Variants in TMEM245 observed in about 807,000 individuals in gnomAD.
TMEM245 encodes transmembrane protein 245.
TMEM245 carries 69 observed loss-of-function variants against 101.2 expected under a neutral mutation model. That is an observed-to-expected ratio of 0.68 (90% CI 0.56 to 0.83). TMEM245 has a LOEUF of 0.83. TMEM245 is among the 40% of genes least tolerant of loss of function. The pLI, the probability that TMEM245 is intolerant of heterozygous loss-of-function variation, is 0.00. For synonymous variants in TMEM245, 537 were observed against 449.8 expected, an observed-to-expected ratio of 1.19 and a Z score of -2.45; for missense variants, 1,075 against 1,092.8, an observed-to-expected ratio of 0.98 and a Z score of 0.23.
chr9:109,064,388 C>T, intron 10 of TMEM245, 89 bp downstream of exon 10: 1 of 1,160,954 alleles, frequency 8.6e-7, no homozygotes. Context: ...CTGTGAATAG[C>T]ATTTCTACTT....
At chr9:109,112,586 G>C (rs1251654209) in intron 1 of TMEM245, among the ~76,000 whole-genome samples, 2 of 150,964 alleles carry the variant, frequency 1.3e-5, no homozygotes, top group African/African-American at 4.9e-5. Context: ...TGCTAATAAG[G>C]AAAGATGGCC....
intron 5 of TMEM245, among the ~76,000 whole-genome samples, chr9:109,089,081 GC>G (rs1829924942): frequency 6.6e-6 from 1 of 151,966 alleles, no homozygotes; most frequent in Non-Finnish European, 1.5e-5. Flanking sequence ...TTTGAGACCA[GC>G]CTGGGCAACA....
At chr9:109,064,667 G>T in intron 9 of TMEM245, 100 bp from the exon 10 acceptor site, 1 of 943,460 alleles carries the variant, frequency 1.1e-6, no homozygotes, top group Non-Finnish European at 1.6e-6. Context: ...CAGACAGACT[G>T]TTGATCATTC....
At chr9:109,097,458 G>A (rs943086052) in intron 3 of TMEM245, among the ~76,000 whole-genome samples, 1 of 152,146 alleles carries the variant, frequency 6.6e-6, no homozygotes, top group Non-Finnish European at 1.5e-5. Context: ...GTGGCTGGAA[G>A]CACAGGTGAG....
rs145479681 is a variant in TMEM245, at chr9:109,058,569, A to T, written c.1723-1247T>A. Among the ~76,000 whole-genome samples the T allele has an allele frequency of 7.2e-3, 1,092 of 152,214 alleles. 13 individuals carry two copies. The highest frequency in any genetic ancestry group is 0.025 in the African/African-American group (1,040 of 41,552). ...CAACATAGTGAGATCCTATCTTTATAAAAATTTAAAAATTAGACAAGCATG... is the reference window on the plus strand; with the variant it reads ...CAACATAGTGAGATCCTATCTTTATTAAAATTTAAAAATTAGACAAGCATG... On this transcript the variant is annotated intron_variant, in intron 11 of 17. Transcript: ENST00000374586.
intron 17 of TMEM245, among the ~76,000 whole-genome samples, chr9:109,023,616 C>T (rs1345686255): frequency 6.6e-6 from 1 of 152,026 alleles, no homozygotes; most frequent in Non-Finnish European, 1.5e-5. Flanking sequence ...AGGTGGATCA[C>T]GAGGTCAGGA....
intron 6 of TMEM245, among the ~76,000 whole-genome samples, chr9:109,086,816 CAT>C (rs1444940388): frequency 3.3e-5 from 5 of 152,184 alleles, no homozygotes; most frequent in African/African-American, 1.2e-4. Context: ...CAGTATCTGA[CAT>C]ATGGTAATTA....
At chr9:109,113,040 C>T (rs745941148) in intron 1 of TMEM245, among the ~76,000 whole-genome samples, 3 of 152,226 alleles carry the variant, frequency 2.0e-5, no homozygotes, top group Non-Finnish European at 2.9e-5. Context: ...CGAGCCACTG[C>T]ACTCCAGCCT....
chr9:109,059,593 G>A (rs553378217), intron 11 of TMEM245, among the ~76,000 whole-genome samples: 11 of 152,192 alleles, frequency 7.2e-5, no homozygotes, highest in African/African-American at 2.6e-4. Flanking sequence ...GAGGCAGGAG[G>A]ATCACTCGAG....
At chr9:109,119,095 G>A (rs781242425) in intron 1 of TMEM245, among the ~76,000 whole-genome samples, 10 of 152,196 alleles carry the variant, frequency 6.6e-5, no homozygotes, top group African/African-American at 2.4e-4. Context: ...CCCCTAAGAG[G>A]GCCTATTAGG....
At chr9:109,029,894 A>G (rs890991879) in intron 17 of TMEM245, among the ~76,000 whole-genome samples, 1 of 152,242 alleles carries the variant, frequency 6.6e-6, no homozygotes, top group African/African-American at 2.4e-5. Context: ...TTATAAGTAC[A>G]TGGAAAGCAA....
intron 7 of TMEM245, among the ~76,000 whole-genome samples, chr9:109,082,006 G>A (rs893736675): frequency 6.6e-6 from 1 of 152,090 alleles, no homozygotes; most frequent in South Asian, 2.1e-4. Context: ...ACACCACAAT[G>A]CACTGCTCAA....
At chr9:109,022,190 A>G (rs1827648940) in intron 17 of TMEM245, among the ~76,000 whole-genome samples, 4 of 152,214 alleles carry the variant, frequency 2.6e-5, no homozygotes, top group Admixed American at 2.6e-4. Flanking sequence ...AAGGATGTTC[A>G]GTTATCTCAA....
intron 3 of TMEM245, among the ~76,000 whole-genome samples, chr9:109,106,128 A>C (rs1830412163): frequency 6.6e-6 from 1 of 152,006 alleles, no homozygotes; most frequent in Non-Finnish European, 1.5e-5. Flanking sequence ...TGGGAGGATA[A>C]GGTTGGAAAA....
At chr9:109,037,910 A>C in intron 15 of TMEM245, 107 bp downstream of exon 15, 2 of 856,264 alleles carry the variant, frequency 2.3e-6, no homozygotes, top group Non-Finnish European at 3.6e-6. Context: ...CTCAAGCCAA[A>C]AAATTTAGTT....
In TMEM245 at chr9:109,020,412, G is replaced by A. The variant is rs779404324; in HGVS notation, c.*48C>T. The A allele has an allele frequency of 9.5e-6, 15 of 1,582,478 alleles. No homozygotes were observed. Among genetic ancestry groups the A allele is most frequent in the South Asian group, 3.3e-5 (3 of 90,448 alleles). On this transcript the variant is annotated 3_prime_UTR_variant, in exon 18 of 18. Coordinates refer to ENST00000374586, the MANE Select transcript of TMEM245 (RefSeq NM_032012.4). Reference sequence around the variant, plus strand: ...AGAGGGCCACAGCTGAGCTGAACTCGCTGTCAAATTTGAACTTCCTAGAAA... The same window carrying A: ...AGAGGGCCACAGCTGAGCTGAACTCACTGTCAAATTTGAACTTCCTAGAAA...
rs1158016681 is a variant in TMEM245 at position 109,036,277 on chromosome 9, G to C, written c.2328C>G (p.Ala776=). The change falls in exon 16 of 18, where the codon GCC becomes GCG. Residue 776 remains alanine, a synonymous_variant. Coordinates refer to ENST00000374586, the MANE Select transcript of TMEM245 (RefSeq NM_032012.4). ...AGAGATGAAAAATCAACAGTAAAAT[G>C]GCCTTGCATCCTAACCCTTGTGTCA... The part of the protein sequence containing the change: ...LWLTQGLGCK[A]ILLLIFHLLP... 3 of 1,613,572 alleles carry C rather than the reference G, an allele frequency of 1.9e-6. No individual in the cohort carries two copies. The African/African-American group carries it at 4.0e-5, about 22-fold the overall frequency.
intron 1 of TMEM245, among the ~76,000 whole-genome samples, chr9:109,112,016 T>C (rs574257867): frequency 6.6e-6 from 1 of 152,274 alleles, no homozygotes; most frequent in South Asian, 2.1e-4. Flanking sequence ...TTTTGAAGTG[T>C]TTCCTCAGAA....
chr9:109,119,548 G>C lies in TMEM245; in HGVS notation c.366C>G (p.Ala122=). ...CGAAGCAGAGCGGCAGGAGCAGCGC[G>C]GCCAGGACGATGGGCGTGTGCGCGC... ...LHRAHTPIVL[A]ALLLPLCFVD... Residue 122 remains alanine (A), a synonymous_variant, in exon 1 of 18, where the codon GCC becomes GCG. Transcript: ENST00000374586. The C allele has an allele frequency of 6.5e-7, 1 of 1,533,830 alleles. No homozygotes were observed. The highest frequency in any genetic ancestry group is 8.7e-7 in the Non-Finnish European group (1 of 1,145,450).
Sources: allele counts gnomAD v4.1 joint callset (sites outside exome capture counted in the v4.1 genomes callset), GRCh38; gene constraint gnomAD v4.1.1; transcripts MANE v1.5; gene names NCBI Gene and HGNC (gene_info 2026-07-23, HGNC 2026-07-21).